The following DCDC1 variants were observed in gnomAD, a reference collection of about 807,000 sequenced individuals.
DCDC1 encodes the protein doublecortin domain-containing protein 1.
In DCDC1, 200 loss-of-function variants were observed where a neutral mutation model predicts 178.3. That is an observed-to-expected ratio of 1.12 (90% CI 1.00 to 1.26). The LOEUF (loss-of-function observed/expected upper bound fraction) is 1.26. Among genes scored for constraint, DCDC1 ranks in the 50% most tolerant of loss-of-function variants. The pLI is 0.00. For synonymous variants in DCDC1, 690 were observed against 604.8 expected (o/e 1.14, Z -2.07); for missense variants, 1,983 against 1,749.2 (o/e 1.13, Z -2.38).
chr11:31,324,910 GGTTA>G (rs1185239245), intron 3 of DCDC1, among the ~76,000 whole-genome samples: 6 of 151,954 alleles, frequency 3.9e-5, no homozygotes, highest in African/African-American at 1.2e-4. Context: ...ACAAAAAAAT[GGTTA>G]GTATTTACTT....
intron 1 of DCDC1, among the ~76,000 whole-genome samples, chr11:31,349,070 C>A (rs904066558): frequency 6.6e-6 from 1 of 151,780 alleles, no homozygotes; most frequent in African/African-American, 2.4e-5. Flanking sequence ...GTTCCAGACT[C>A]AAATAAGTTA....
At chr11:31,140,302 A>T (rs1963658777) in intron 9 of DCDC1, among the ~76,000 whole-genome samples, 2 of 152,332 alleles carry the variant, frequency 1.3e-5, no homozygotes, top group Admixed American at 6.5e-5. Flanking sequence ...TAAAAATTGG[A>T]AACAGAAAGG....
chr11:31,259,893 A>G (rs1159563697), intron 8 of DCDC1, among the ~76,000 whole-genome samples: 1 of 152,154 alleles, frequency 6.6e-6, no homozygotes. Flanking sequence ...GTGGGTCTGA[A>G]TTATGCCAAA....
intron 2 of DCDC1, among the ~76,000 whole-genome samples, chr11:31,332,453 T>C (rs1950042909): frequency 6.6e-6 from 1 of 152,210 alleles, no homozygotes; most frequent in Non-Finnish European, 1.5e-5. Flanking sequence ...CTTCTCTAGT[T>C]CTTTTAATTG....
intron 9 of DCDC1, among the ~76,000 whole-genome samples, chr11:31,222,760 T>C (rs1490965303): frequency 1.3e-5 from 2 of 152,102 alleles, no homozygotes; most frequent in Non-Finnish European, 2.9e-5. Flanking sequence ...GAGTGTATGC[T>C]CTCTGGTGTC....
intron 9 of DCDC1, among the ~76,000 whole-genome samples, chr11:31,220,832 C>G (rs1206142518): frequency 6.6e-6 from 1 of 152,072 alleles, no homozygotes; most frequent in Non-Finnish European, 1.5e-5. Context: ...GATCAGAGTG[C>G]GAGTATGGTC....
intron 36 of DCDC1, chr11:30,882,133 T>C (rs1270770909): frequency 6.5e-6 from 1 of 152,690 alleles, no homozygotes; most frequent in Non-Finnish European, 1.5e-5. Context: ...CAAATCACCA[T>C]CAATACTTCT....
chr11:31,153,817 C>CACACACACACACACACACA (rs957007039), intron 9 of DCDC1, among the ~76,000 whole-genome samples: 2 of 149,988 alleles, frequency 1.3e-5, no homozygotes, highest in Non-Finnish European at 3.0e-5. Flanking sequence ...CACACACACA[C>CACACACACACACACACACA]AATTACCATA....
At position 31,065,144 on chromosome 11, in the gene DCDC1, G is replaced by C. The variant is rs189041969; in HGVS notation, c.2308C>G (p.Gln770Glu). 8.1e-4 allele frequency: 614 copies of C among 759,320 alleles called. 2 individuals carry two copies. The African/African-American group carries it at 9.3e-3, about 12-fold the overall frequency. The allele number at this position is 759,320 out of a possible 1,614,324, so 47.0% of individuals were successfully genotyped here. The change falls in exon 19 of 39, where the codon CAG (glutamine) becomes GAG (glutamate). Residue 770 changes from glutamine to glutamate, a missense_variant. Physicochemically the swap from Gln to Glu is conservative, Grantham distance 29 (BLOSUM62 2). Transcript: ENST00000684477. ...DGCIYSKAYP[Q>E]FVLTYLEELN... is the part of the protein sequence containing the mutation. ...TCCTCTAGGTAGGTCAGAACAAACT[G>C]AGGATAAGCCTGTAAGAAAGGAAAA... is the stretch of plus-strand genomic sequence containing the variant.
intron 7 of DCDC1, among the ~76,000 whole-genome samples, chr11:31,283,476 GTT>G (rs896268928): frequency 4.0e-5 from 6 of 150,120 alleles, no homozygotes; most frequent in African/African-American, 4.9e-5. Context: ...TTATATTCAT[GTT>G]TTTTTTTAAT....
At chr11:30,867,724 C>T (rs1256167297) in intron 38 of DCDC1, among the ~76,000 whole-genome samples, 1 of 152,026 alleles carries the variant, frequency 6.6e-6, no homozygotes, top group Non-Finnish European at 1.5e-5. Flanking sequence ...GAAGGTGACC[C>T]CATATGCAGA....
chr11:31,019,548 T>C (rs1037924399), intron 20 of DCDC1, among the ~76,000 whole-genome samples: 1 of 152,198 alleles, frequency 6.6e-6, no homozygotes, highest in Non-Finnish European at 1.5e-5. Flanking sequence ...GGCAAAAATG[T>C]CCACAAGAAT....
At chr11:30,967,256 G>A (rs1214746481) in intron 20 of DCDC1, among the ~76,000 whole-genome samples, 2 of 143,966 alleles carry the variant, frequency 1.4e-5, no homozygotes, top group African/African-American at 2.6e-5. Context: ...TCTTCCATTT[G>A]TTTGTGTCCT....
chr11:31,213,211 G>C (rs1398675312), intron 9 of DCDC1, among the ~76,000 whole-genome samples: 1 of 141,998 alleles, frequency 7.0e-6, no homozygotes, highest in Non-Finnish European at 1.5e-5. Context: ...AAAGGCATGT[G>C]GCTCTTCAGT....
intron 22 of DCDC1, among the ~76,000 whole-genome samples, chr11:30,929,836 A>G (rs562677599): frequency 1.1e-4 from 17 of 152,224 alleles, no homozygotes; most frequent in Admixed American, 2.6e-4. Flanking sequence ...CTCGACAGTC[A>G]CTATTAAGAC....
intron 1 of DCDC1, among the ~76,000 whole-genome samples, chr11:31,365,230 T>C (rs1951900248): frequency 1.3e-5 from 2 of 152,172 alleles, no homozygotes; most frequent in South Asian, 4.1e-4. Flanking sequence ...GAATGAAGGC[T>C]GTATATATAT....
In DCDC1 at chr11:30,878,189, A is replaced by G. The variant is rs1229264285; in HGVS notation, c.*40+355T>C. On this transcript the variant is annotated intron_variant, in intron 38 of 38. Coordinates refer to ENST00000684477, the MANE Select transcript of DCDC1 (RefSeq NM_001387274.1). ...AAAAGATCGCTGGGTGCAGTGGCTC[A>G]TGCCTACAATCCCAGCACTTTGTGA... 4.6e-5 allele frequency among the ~76,000 whole-genome samples: 7 copies of G among 152,292 alleles called. No homozygotes were observed. In the East Asian group the frequency reaches 1.4e-3, roughly 29 times the overall value.
At chr11:31,125,595 A>G (rs942807222) in intron 11 of DCDC1, among the ~76,000 whole-genome samples, 1 of 152,216 alleles carries the variant, frequency 6.6e-6, no homozygotes, top group African/African-American at 2.4e-5. Context: ...CTATGCAGCC[A>G]TGAAAAGGAA....
chr11:31,106,498 A>G (rs1958858417), intron 13 of DCDC1, among the ~76,000 whole-genome samples: 1 of 152,204 alleles, frequency 6.6e-6, no homozygotes, highest in Admixed American at 6.5e-5. Flanking sequence ...TGGCGTTTCC[A>G]TCTGCTATCA....
Sources: allele counts gnomAD v4.1 joint callset (sites outside exome capture counted in the v4.1 genomes callset), GRCh38; gene constraint gnomAD v4.1.1; transcripts MANE v1.5; gene names NCBI Gene and HGNC (gene_info 2026-07-23, HGNC 2026-07-21).